DENND4C: variants seen among roughly 807,000 people sequenced by gnomAD.
DENND4C encodes DENN domain containing 4C.
Under a neutral mutation model 203.0 loss-of-function variants are expected in DENND4C, and 108 were observed. The observed-to-expected ratio is 0.53, with a 90% CI of 0.46 to 0.62. The LOEUF (loss-of-function observed/expected upper bound fraction) is 0.62, where lower values mean the gene tolerates loss of function less well. Among genes scored for constraint, DENND4C ranks in the 20% least tolerant of loss-of-function variants. DENND4C has a pLI of 0.00. For missense variants in DENND4C, 2,481 were observed against 2,301.2 expected (o/e 1.08, Z -1.60); for synonymous variants, 871 against 792.4 (o/e 1.10, Z -1.67).
intron 16 of DENND4C, among the ~76,000 whole-genome samples, chr9:19,330,223 GGAAAA>G (rs1415603877): frequency 1.3e-5 from 2 of 150,126 alleles, no homozygotes; most frequent in African/African-American, 2.4e-5. Context: ...CAGGCTAACT[GGAAAA>G]GAAAAGAACC....
At chr9:19,350,270 ATTAAAAG>A (rs1172106226) in intron 23 of DENND4C, among the ~76,000 whole-genome samples, 1 of 152,222 alleles carries the variant, frequency 6.6e-6, no homozygotes, top group East Asian at 1.9e-4. Context: ...AGATTACATA[ATTAAAAG>A]TTAAAGAAGT....
At chr9:19,276,857 T>C (rs919605618) in intron 2 of DENND4C, among the ~76,000 whole-genome samples, 13 of 152,140 alleles carry the variant, frequency 8.5e-5, no homozygotes, top group African/African-American at 3.1e-4. Flanking sequence ...GTAATGAGTT[T>C]TTGTGAAGAC....
intron 1 of DENND4C, among the ~76,000 whole-genome samples, chr9:19,231,507 G>C (rs1419597865): frequency 6.6e-6 from 1 of 151,818 alleles, no homozygotes; most frequent in Non-Finnish European, 1.5e-5. Flanking sequence ...CCTGTAAAGA[G>C]CTGTAACTTT....
rs190253299 is a variant in DENND4C, at chr9:19,350,641, G to A, written c.4318-61G>A. ...TTTAATTTTGAAAAGGGTAGAGTGGGTATAATCCCACTGGAGAAGGTATTA... is the reference window on the plus strand; with the variant it reads ...TTTAATTTTGAAAAGGGTAGAGTGGATATAATCCCACTGGAGAAGGTATTA... On this transcript the variant is annotated intron_variant, in intron 23 of 32. Coordinates refer to ENST00000434457, the MANE Select transcript of DENND4C (RefSeq NM_001330640.2). The A allele has an allele frequency of 8.4e-4, 1,191 of 1,418,120 alleles. 4 individuals are homozygous for A. The highest frequency in any genetic ancestry group is 5.4e-3 in the Middle Eastern group (26 of 4,854). 87.8% of individuals were successfully genotyped at this position (1,418,120 alleles called of 1,614,324 possible). A position where few individuals can be genotyped will look rare whatever the true frequency, so the allele number is the denominator to read the frequency against.
At position 19,347,064 on chromosome 9, in the gene DENND4C, C is replaced by T; in HGVS notation, c.4295C>T (p.Ala1432Val). ...AAGATGTGGGTAGCTGTTGCGTCTGCCTACAGCTACTCAGATGATGAGGTA... is the reference window on the plus strand; with the variant it reads ...AAGATGTGGGTAGCTGTTGCGTCTGTCTACAGCTACTCAGATGATGAGGTA... ...ASKMWVAVAS[A>V]YSYSDDEEET... Residue 1432 changes from alanine (A) to valine (V), a missense_variant, in exon 23 of 33, where the codon GCC (alanine) becomes GTC (valine). Ala to Val is a moderately conservative substitution (Grantham distance 64, BLOSUM62 0). Coordinates refer to ENST00000434457, the MANE Select transcript of DENND4C (RefSeq NM_001330640.2). 1 of 1,613,466 alleles carries T rather than the reference C, an allele frequency of 6.2e-7. No individual in the cohort carries two copies. Among genetic ancestry groups the T allele is most frequent in the Non-Finnish European group, 8.5e-7 (1 of 1,179,586 alleles).
At chr9:19,282,452 C>A (rs528334113) in intron 2 of DENND4C, among the ~76,000 whole-genome samples, 1 of 151,178 alleles carries the variant, frequency 6.6e-6, no homozygotes, top group African/African-American at 2.4e-5. Context: ...TGGGGTTTCG[C>A]CTTGTTGCCC....
chr9:19,356,788 TGAGAGAGAGAGAGA>T (rs60635871), intron 26 of DENND4C, among the ~76,000 whole-genome samples, 170 bp from the exon 27 acceptor site: 1 of 140,382 alleles, frequency 7.1e-6, no homozygotes. Context: ...TGTGTGTGTG[TGAGAGAGAGAGAGA>T]GAGAGAGAGA....
chr9:19,283,901 A>C (rs1395874105), intron 2 of DENND4C, among the ~76,000 whole-genome samples: 1 of 152,050 alleles, frequency 6.6e-6, no homozygotes. Flanking sequence ...GCCCAGATGC[A>C]TTTCTTGAGA....
chr9:19,261,529 G>A (rs1829351392), intron 1 of DENND4C, among the ~76,000 whole-genome samples: 2 of 150,948 alleles, frequency 1.3e-5, no homozygotes, highest in Admixed American at 1.3e-4. Context: ...TGGAGATAGG[G>A]TCTCACACTA....
At chr9:19,264,211 A>G (rs967107653) in intron 1 of DENND4C, among the ~76,000 whole-genome samples, 3 of 151,766 alleles carry the variant, frequency 2.0e-5, no homozygotes, top group African/African-American at 7.3e-5. Context: ...GGATGTCAGT[A>G]TGGTTCGGTT....
intron 12 of DENND4C, 147 bp from the exon 13 acceptor site, chr9:19,324,215 C>T: frequency 2.1e-6 from 1 of 486,436 alleles, no homozygotes; most frequent in Non-Finnish European, 3.3e-6. Context: ...ATAAGAGATA[C>T]TCAACCTATA....
chr9:19,301,592 A>G (rs1838590972), intron 9 of DENND4C, among the ~76,000 whole-genome samples: 1 of 152,192 alleles, frequency 6.6e-6, no homozygotes, highest in Non-Finnish European at 1.5e-5. Flanking sequence ...TGTGAAAGCA[A>G]AAGTTGTTAG....
At position 19,373,860 on chromosome 9, in the gene DENND4C, T is replaced by C. The variant is rs1829236995; in HGVS notation, c.*1687T>C. On this transcript the variant is annotated 3_prime_UTR_variant, in exon 33 of 33. Coordinates refer to ENST00000434457, the MANE Select transcript of DENND4C (RefSeq NM_001330640.2). ...GTAACCATTTACAAATTATAGTTATTGTACCAGTCTTTCAACATTTCAGGG... is the reference window on the plus strand; with the variant it reads ...GTAACCATTTACAAATTATAGTTATCGTACCAGTCTTTCAACATTTCAGGG... Among the ~76,000 whole-genome samples, 1 of 152,174 alleles carries C rather than the reference T, an allele frequency of 6.6e-6. No individual in the cohort carries two copies. Among genetic ancestry groups the C allele is most frequent in the East Asian group, 1.9e-4 (1 of 5,204 alleles).
rs1588984294 is a variant in DENND4C at position 19,358,932 on chromosome 9, A to T, written c.5160+772A>T. Among the ~76,000 whole-genome samples the T allele has an allele frequency of 6.6e-6, 1 of 151,836 alleles. No individual in the cohort carries two copies. The highest frequency in any genetic ancestry group is 1.5e-5 in the Non-Finnish European group (1 of 68,026). ...TGGTATGTTCCTCCCAGCAGGAGAC[A>T]TAAACATTAGTAGCTATTAATGCCT... is the stretch of plus-strand genomic sequence containing the variant. On this transcript the variant is annotated intron_variant, in intron 28 of 32. Transcript: ENST00000434457. The surrounding 1 kb of genome is among the most constrained non-coding windows in gnomAD (Gnocchi z 4.8).
At chr9:19,256,309 G>GTTTTTTTTTTTTT (rs1165191635) in intron 1 of DENND4C, among the ~76,000 whole-genome samples, 12 of 84,870 alleles carry the variant, frequency 1.4e-4, no homozygotes, top group Non-Finnish European at 2.2e-4. Context: ...TTTTTTTTTT[G>GTTTTTTTTTTTTT]TTTTTTTTTT....
rs1832902238 is a variant in DENND4C at position 19,276,365 on chromosome 9, T to C, written c.191T>C (p.Val64Ala). 8.1e-7 allele frequency: 1 copy of C among 1,231,992 alleles called. No individual in the cohort carries two copies. The highest frequency in any genetic ancestry group is 1.6e-5 in the African/African-American group (1 of 64,420). 76.3% of individuals were successfully genotyped at this position (1,231,992 alleles called of 1,614,324 possible). A position where few individuals can be genotyped will look rare whatever the true frequency, so the allele number is the denominator to read the frequency against. Reference protein sequence around the residue: ...GETVPEGYTCVEATPSALQAN... With the variant: ...GETVPEGYTCAEATPSALQAN... The stretch of plus-strand genomic sequence containing the variant: ...ACAGTACCTGAAGGTTACACCTGTG[T>C]AGAAGCCACTCCATCAGCTCTCCAA... Residue 64 changes from valine to alanine, a missense_variant, in exon 2 of 33, where the codon GTA becomes GCA. Val to Ala is a moderately conservative substitution (Grantham distance 64). Around this residue, in one of 3 missense-constraint regions of DENND4C, gnomAD observed 187 missense variants for 167.4 expected, o/e 1.12. Coordinates refer to ENST00000434457, the MANE Select transcript of DENND4C (RefSeq NM_001330640.2).
intron 26 of DENND4C, 43 bp from the exon 27 acceptor site, chr9:19,356,929 G>T: frequency 6.4e-7 from 1 of 1,557,178 alleles, no homozygotes. Context: ...TAGAAAACTT[G>T]AGGATTTTTA....
chr9:19,297,305 CTT>C (rs1371920019), intron 6 of DENND4C, among the ~76,000 whole-genome samples: 1 of 152,082 alleles, frequency 6.6e-6, no homozygotes, highest in Non-Finnish European at 1.5e-5. Flanking sequence ...CAAAAATCAA[CTT>C]TAAAAAGAGT....
At chr9:19,308,400 T>C (rs1365790237) in intron 10 of DENND4C, among the ~76,000 whole-genome samples, 1 of 152,232 alleles carries the variant, frequency 6.6e-6, no homozygotes, top group Non-Finnish European at 1.5e-5. Flanking sequence ...TGGCTTTAAT[T>C]CACATTTCCT....
Sources: allele counts gnomAD v4.1 joint callset (sites outside exome capture counted in the v4.1 genomes callset), GRCh38; gene constraint gnomAD v4.1.1; regional missense constraint gnomAD v4.1.1; non-coding constraint Gnocchi (gnomAD v3.1); transcripts MANE v1.5; gene names NCBI Gene and HGNC (gene_info 2026-07-23, HGNC 2026-07-21).